NAALADL2: variants seen among roughly 807,000 people sequenced by gnomAD.
NAALADL2 encodes the protein inactive N-acetylated-alpha-linked acidic dipeptidase-like protein 2.
In NAALADL2, 76 loss-of-function variants were observed where a neutral mutation model predicts 87.2. That is an observed-to-expected ratio of 0.87 (90% CI 0.72 to 1.05). NAALADL2 has a LOEUF of 1.05. Among genes scored for constraint, NAALADL2 ranks in the 50% least tolerant of loss-of-function variants. NAALADL2 has a pLI of 0.00. For missense variants in NAALADL2, 1,089 were observed against 945.8 expected, an observed-to-expected ratio of 1.15 and a Z score of -1.99; for synonymous variants, 354 against 331.0, an observed-to-expected ratio of 1.07 and a Z score of -0.75.
At chr3:175,272,831 G>T (rs1753044541) in intron 4 of NAALADL2, among the ~76,000 whole-genome samples, 1 of 151,880 alleles carries the variant, frequency 6.6e-6, no homozygotes, top group Admixed American at 6.6e-5. Context: ...CTGACTTAAG[G>T]TAAGGAACCT....
chr3:175,578,883 C>G (rs1287027551), intron 10 of NAALADL2, among the ~76,000 whole-genome samples: 1 of 152,162 alleles, frequency 6.6e-6, no homozygotes, highest in Non-Finnish European at 1.5e-5. Flanking sequence ...GTTGTTTGTC[C>G]AAGAGTGCAG....
chr3:174,597,002 G>C (rs1038093121), intron 2 of NAALADL2, among the ~76,000 whole-genome samples: 4 of 152,154 alleles, frequency 2.6e-5, no homozygotes, highest in Admixed American at 2.6e-4. Context: ...CTGGGAAGAT[G>C]AAGCTTTCTG....
intron 1 of NAALADL2, among the ~76,000 whole-genome samples, chr3:175,034,512 GTC>G (rs1406467177): frequency 6.6e-6 from 1 of 152,008 alleles, no homozygotes; most frequent in Non-Finnish European, 1.5e-5. Context: ...TTTATTTCAA[GTC>G]TCTACTCAAA....
In NAALADL2 at chr3:175,610,127, A is replaced by G. The variant is rs1239732208; in HGVS notation, c.1801-17164A>G. Among the ~76,000 whole-genome samples, 3 of 152,282 alleles carry G rather than the reference A, an allele frequency of 2.0e-5. No homozygotes were observed. The East Asian group carries it at 5.8e-4, about 29-fold the overall frequency. ...GTTTGTTGAGATTTCACTCTTATCC[A>G]TTTACACATTAAGGACTTAAACATA... is the stretch of plus-strand genomic sequence containing the variant. On this transcript the variant is annotated intron_variant, in intron 10 of 13. Transcript: ENST00000454872.
chr3:174,757,055 C>T (rs1712194525), intron 3 of NAALADL2, among the ~76,000 whole-genome samples: 1 of 152,142 alleles, frequency 6.6e-6, no homozygotes, highest in South Asian at 2.1e-4. Context: ...TGTCAGTATG[C>T]AGTATTCATA....
intron 11 of NAALADL2, among the ~76,000 whole-genome samples, chr3:175,698,473 G>GTATATATTTTTTTATATATATATATA (rs1315132432): frequency 1.2e-5 from 1 of 82,092 alleles, no homozygotes; most frequent in Non-Finnish European, 2.2e-5. Flanking sequence ...ATATATGTGT[G>GTATATATTTTTTTATATATATATATA]TATATATATT....
In NAALADL2 at chr3:175,097,148, T is replaced by G. The variant is rs1174691311; in HGVS notation, c.402T>G (p.Ile134Met). 6.2e-7 allele frequency: 1 copy of G among 1,613,768 alleles called. No individual in the cohort carries two copies. Among genetic ancestry groups the G allele is most frequent in the Middle Eastern group, 1.6e-4 (1 of 6,062 alleles). ...HVLKILCTAT[I>M]LFIFGILIGY... Reference sequence around the variant, plus strand: ...TAAAAATACTTTGCACAGCCACCATTTTATTTATTTTTGGGATTTTGATAG... The same window carrying G: ...TAAAAATACTTTGCACAGCCACCATGTTATTTATTTTTGGGATTTTGATAG... Residue 134 changes from isoleucine (I) to methionine (M), a missense_variant, in exon 2 of 14, where the codon ATT (isoleucine) becomes ATG (methionine). Ile to Met is a conservative substitution (Grantham distance 10, BLOSUM62 1). Coordinates refer to ENST00000454872, the MANE Select transcript of NAALADL2 (RefSeq NM_207015.3).
chr3:174,884,474 A>G (rs1379789803), intron 1 of NAALADL2, among the ~76,000 whole-genome samples: 3 of 152,134 alleles, frequency 2.0e-5, no homozygotes, highest in Non-Finnish European at 2.9e-5. Flanking sequence ...CCATTGTCAC[A>G]CTTCTTTAGC....
chr3:175,293,036 C>CAA (rs568981496), intron 4 of NAALADL2, among the ~76,000 whole-genome samples: 10,272 of 49,140 alleles, frequency 0.21, 1,476 homozygotes, highest in East Asian at 0.28. Context: ...GACTCCGTCT[C>CAA]AAAAAAAAAA....
intron 2 of NAALADL2, among the ~76,000 whole-genome samples, chr3:175,185,967 T>C (rs1433337589): frequency 3.9e-5 from 6 of 151,970 alleles, no homozygotes; most frequent in East Asian, 3.9e-4. Context: ...ATTATATTTA[T>C]TGGGTAAAAT....
chr3:175,464,983 G>A lies in NAALADL2; in HGVS notation c.1327+1490G>A, dbSNP rs149298955. Reference sequence around the variant, plus strand: ...AGCTTTAGAGTGAAGAAAATTCACTGTACAAAATAAACTCCTGGAATTGAA... The same window carrying A: ...AGCTTTAGAGTGAAGAAAATTCACTATACAAAATAAACTCCTGGAATTGAA... On this transcript the variant is annotated intron_variant, in intron 7 of 13. Coordinates refer to ENST00000454872, the MANE Select transcript of NAALADL2 (RefSeq NM_207015.3). Among the ~76,000 whole-genome samples, 420 of 152,258 alleles carry A rather than the reference G, an allele frequency of 2.8e-3. 1 individual carries two copies. The highest frequency in any genetic ancestry group is 6.8e-3 in the Middle Eastern group (2 of 294).
At chr3:174,461,490 T>C (rs1192127738) in intron 1 of NAALADL2, among the ~76,000 whole-genome samples, 2 of 152,088 alleles carry the variant, frequency 1.3e-5, no homozygotes, top group Non-Finnish European at 2.9e-5. Flanking sequence ...TTGCGGATTT[T>C]TCCTTGGTTT....
At chr3:175,681,443 T>C (rs1389695342) in intron 11 of NAALADL2, among the ~76,000 whole-genome samples, 1 of 152,200 alleles carries the variant, frequency 6.6e-6, no homozygotes, top group African/African-American at 2.4e-5. Flanking sequence ...TTGTACTTTC[T>C]AAATTTAAGC....
intron 3 of NAALADL2, among the ~76,000 whole-genome samples, chr3:174,803,135 C>T (rs964810632): frequency 6.6e-6 from 1 of 152,142 alleles, no homozygotes; most frequent in African/African-American, 2.4e-5. Context: ...TCCTCTCCAG[C>T]ATCTGTTGTT....
chr3:175,423,051 A>ATTTTT (rs201372383), intron 5 of NAALADL2, among the ~76,000 whole-genome samples: 1 of 91,510 alleles, frequency 1.1e-5, no homozygotes, highest in African/African-American at 4.2e-5. Flanking sequence ...ATATATATAT[A>ATTTTT]TTTTTTTTTT....
At chr3:175,203,045 G>A (rs537100290) in intron 2 of NAALADL2, among the ~76,000 whole-genome samples, 1 of 152,152 alleles carries the variant, frequency 6.6e-6, no homozygotes, top group East Asian at 1.9e-4. Flanking sequence ...ACTTGCCCCA[G>A]GCTACCACCT....
chr3:175,160,760 C>T (rs1200702178), intron 2 of NAALADL2, among the ~76,000 whole-genome samples: 1 of 151,982 alleles, frequency 6.6e-6, no homozygotes, highest in Non-Finnish European at 1.5e-5. Flanking sequence ...CTGGAATAGT[C>T]TCTAAGAGTT....
At chr3:174,938,017 T>A (rs1048707252) in intron 1 of NAALADL2, among the ~76,000 whole-genome samples, 13 of 152,056 alleles carry the variant, frequency 8.5e-5, no homozygotes, top group African/African-American at 3.1e-4. Context: ...ATCCCCTAGT[T>A]TTTTTGCTTT....
chr3:175,147,039 T>A (rs1359897779), intron 2 of NAALADL2, among the ~76,000 whole-genome samples: 1 of 152,184 alleles, frequency 6.6e-6, no homozygotes, highest in Non-Finnish European at 1.5e-5. Flanking sequence ...AAAACTCAAC[T>A]AAGATCTTTT....
Sources: gnomAD v4.1 joint callset for allele counts (sites outside exome capture counted in the v4.1 genomes callset) on GRCh38, gnomAD v4.1.1 for gene constraint, MANE v1.5 for transcripts, NCBI Gene and HGNC (gene_info 2026-07-23, HGNC 2026-07-21) for gene names.